CTDSPL2: variants seen among roughly 807,000 people sequenced by gnomAD.
CTDSPL2 encodes CTD small phosphatase-like protein 2.
In CTDSPL2, 5 loss-of-function variants were observed where a neutral mutation model predicts 60.0. The ratio of observed to expected loss-of-function variants is 0.08; its 90% confidence interval spans 0.04 to 0.18. The LOEUF (loss-of-function observed/expected upper bound fraction) is 0.18. Ranked by LOEUF, CTDSPL2 falls within the 10% of genes least tolerant of loss-of-function variation. The probability of loss-of-function intolerance (pLI) is 1.00; values close to 1 mark genes in which losing one functional copy is unlikely to be tolerated. For synonymous variants in CTDSPL2, 186 were observed against 189.3 expected, an observed-to-expected ratio of 0.98 and a Z score of 0.14; for missense variants, 370 against 548.8, an observed-to-expected ratio of 0.67 and a Z score of 3.26.
At chr15:44,433,171 T>A (rs936435896) in intron 1 of CTDSPL2, among the ~76,000 whole-genome samples, 1 of 150,908 alleles carries the variant, frequency 6.6e-6, no homozygotes, top group African/African-American at 2.4e-5. Flanking sequence ...AAAAATTAGC[T>A]GGGCATGGTG....
intron 1 of CTDSPL2, among the ~76,000 whole-genome samples, chr15:44,440,544 A>G (rs2080064146): frequency 6.6e-6 from 1 of 152,148 alleles, no homozygotes; most frequent in African/African-American, 2.4e-5. Flanking sequence ...TAGGATCTAT[A>G]GTGATGTTCA....
At chr15:44,448,856 T>C in intron 1 of CTDSPL2, 2 of 396,854 alleles carry the variant, frequency 5.0e-6, no homozygotes, top group Non-Finnish European at 9.5e-6. Context: ...TTTACCTGCG[T>C]TGGTCTATCA....
chr15:44,484,549 A>G (rs952713684), intron 3 of CTDSPL2, among the ~76,000 whole-genome samples, 187 bp downstream of exon 3: 4 of 152,246 alleles, frequency 2.6e-5, no homozygotes, highest in Admixed American at 6.5e-5. Flanking sequence ...AGCCTGGCCA[A>G]CGTGGCAAAA....
intron 10 of CTDSPL2, 130 bp from the exon 11 acceptor site, chr15:44,519,039 T>C (rs902978610): frequency 7.8e-6 from 4 of 512,274 alleles, no homozygotes; most frequent in Admixed American, 8.9e-5. Flanking sequence ...CCCATATTTG[T>C]GTTTGAATTT....
chr15:44,525,848 A>G lies in CTDSPL2; in HGVS notation c.*1674A>G, dbSNP rs1026512086. ...TCATCAGGTTGAGTGTTTTCTTACT[A>G]TATTATCTGTTGTGTATGTAGTTAG... On this transcript the variant is annotated 3_prime_UTR_variant, in exon 13 of 13. Transcript: ENST00000260327. 4.2e-5 allele frequency: 7 copies of G among 168,302 alleles called. No individual in the cohort carries two copies. Among genetic ancestry groups the G allele is most frequent in the African/African-American group, 1.7e-4 (7 of 42,146 alleles). The allele number at this position is 168,302 out of a possible 1,614,324, so 10.4% of individuals were successfully genotyped here. A position where few individuals can be genotyped will look rare whatever the true frequency, so the allele number is the denominator to read the frequency against.
chr15:44,436,561 T>C (rs1055483828), intron 1 of CTDSPL2, among the ~76,000 whole-genome samples: 5 of 152,198 alleles, frequency 3.3e-5, no homozygotes, highest in African/African-American at 1.2e-4. Context: ...GCTAGAATGA[T>C]TGCATGACTT....
rs1029980082 is a variant in CTDSPL2, at chr15:44,525,289, C to G, written c.*1115C>G. The G allele has an allele frequency of 2.5e-6, 1 of 397,688 alleles. No individual in the cohort carries two copies. The highest frequency in any genetic ancestry group is 4.4e-6 in the Non-Finnish European group (1 of 225,332). 24.6% of individuals were successfully genotyped at this position (397,688 alleles called of 1,614,324 possible). A position where few individuals can be genotyped will look rare whatever the true frequency, so the allele number is the denominator to read the frequency against. On this transcript the variant is annotated 3_prime_UTR_variant, in exon 13 of 13. Coordinates refer to ENST00000260327, the MANE Select transcript of CTDSPL2 (RefSeq NM_016396.3). The stretch of plus-strand genomic sequence containing the variant: ...GCATAATCCTGTGGCACAGTACACT[C>G]CCAAGCCACCAATGCAGTTAATATG...
At chr15:44,483,311 GA>G (rs969155611) in intron 2 of CTDSPL2, among the ~76,000 whole-genome samples, 7 of 150,790 alleles carry the variant, frequency 4.6e-5, no homozygotes, top group African/African-American at 1.7e-4. Context: ...CATGACTCTA[GA>G]AAAAATTTAC....
chr15:44,459,384 G>C (rs571347522), intron 2 of CTDSPL2, among the ~76,000 whole-genome samples, 184 bp downstream of exon 2: 3 of 152,016 alleles, frequency 2.0e-5, no homozygotes, highest in Non-Finnish European at 4.4e-5. Context: ...AAAATTAGCC[G>C]GGCGAGGTGG....
intron 8 of CTDSPL2, among the ~76,000 whole-genome samples, chr15:44,503,224 T>C (rs543703433): frequency 6.6e-6 from 1 of 152,330 alleles, no homozygotes; most frequent in South Asian, 2.1e-4. Flanking sequence ...AAATTGGTTT[T>C]TTTTTTACAT....
At chr15:44,444,233 T>C (rs1156603574) in intron 1 of CTDSPL2, among the ~76,000 whole-genome samples, 1 of 151,778 alleles carries the variant, frequency 6.6e-6, no homozygotes, top group Non-Finnish European at 1.5e-5. Flanking sequence ...GTTTTTCTTT[T>C]TGTTATGTGT....
intron 2 of CTDSPL2, among the ~76,000 whole-genome samples, chr15:44,482,747 CAG>C (rs2081050746): frequency 1.3e-5 from 2 of 152,080 alleles, no homozygotes; most frequent in South Asian, 2.1e-4. Flanking sequence ...AGAAATAATG[CAG>C]CAATATCCAA....
intron 1 of CTDSPL2, among the ~76,000 whole-genome samples, chr15:44,458,382 A>G (rs2080493115): frequency 6.6e-6 from 1 of 151,966 alleles, no homozygotes; most frequent in Non-Finnish European, 1.5e-5. Context: ...ATAGCCTCAT[A>G]TTTTCTTTCT....
Position 44,503,575 on chromosome 15 carries a change from C to G in CTDSPL2, c.969+3762C>G, listed in dbSNP as rs189915714. ...GAACCACCTCCTCAATGACCTTCCT[C>G]TGTCTCCATCAAGAACTGGAGCTCA... On this transcript the variant is annotated intron_variant, in intron 8 of 12. Transcript: ENST00000260327. 5.9e-5 allele frequency: 9 copies of G among 152,376 alleles called. No homozygotes were observed. In the East Asian group the frequency reaches 1.7e-3, roughly 29 times the overall value. 9.4% of individuals were successfully genotyped at this position (152,376 alleles called of 1,614,324 possible). A position where few individuals can be genotyped will look rare whatever the true frequency, so the allele number is the denominator to read the frequency against.
At chr15:44,487,075 A>T (rs912691828) in intron 4 of CTDSPL2, among the ~76,000 whole-genome samples, 1 of 152,172 alleles carries the variant, frequency 6.6e-6, no homozygotes, top group Non-Finnish European at 1.5e-5. Flanking sequence ...GCAAAAAAAT[A>T]CATAGTTTTT....
rs181199594 is a variant in CTDSPL2, at chr15:44,484,429, T to C, written c.325+67T>C. ...GAGATCTCACCTGACACATTTCTTA[T>C]CTATTTTTAAAACTCTACTTTGAGG... On this transcript the variant is annotated intron_variant, in intron 3 of 12. Transcript: ENST00000260327. 93 of 1,469,460 alleles carry C rather than the reference T, an allele frequency of 6.3e-5. 1 individual carries two copies. The highest frequency in any genetic ancestry group is 1.8e-4 in the Middle Eastern group (1 of 5,492). 91.0% of individuals were successfully genotyped at this position (1,469,460 alleles called of 1,614,324 possible). A position where few individuals can be genotyped will look rare whatever the true frequency, so the allele number is the denominator to read the frequency against.
At chr15:44,459,799 G>C (rs533334761) in intron 2 of CTDSPL2, among the ~76,000 whole-genome samples, 77 of 152,242 alleles carry the variant, frequency 5.1e-4, no homozygotes, top group African/African-American at 1.8e-3. Flanking sequence ...CAAAGAAAAA[G>C]TTTCTTGTTA....
intron 2 of CTDSPL2, among the ~76,000 whole-genome samples, chr15:44,480,074 C>G (rs1385293088): frequency 6.6e-6 from 1 of 152,110 alleles, no homozygotes; most frequent in Non-Finnish European, 1.5e-5. Flanking sequence ...TGATTCCACT[C>G]CCAATACTTC....
In CTDSPL2 at chr15:44,525,522, A is replaced by C; in HGVS notation, c.*1348A>C. ...ACAGGCTCAGACTGTTTTTGTGTAA[A>C]GGATGTCAAAGAACGGCACTTTTTC... is the stretch of plus-strand genomic sequence containing the variant. On this transcript the variant is annotated 3_prime_UTR_variant, in exon 13 of 13. Coordinates refer to ENST00000260327, the MANE Select transcript of CTDSPL2 (RefSeq NM_016396.3). 1 of 398,860 alleles carries C rather than the reference A, an allele frequency of 2.5e-6. No individual in the cohort carries two copies. 24.7% of individuals were successfully genotyped at this position (398,860 alleles called of 1,614,324 possible).
Sources: allele counts gnomAD v4.1 joint callset (sites outside exome capture counted in the v4.1 genomes callset), GRCh38; gene constraint gnomAD v4.1.1; transcripts MANE v1.5; gene names NCBI Gene and HGNC (gene_info 2026-07-23, HGNC 2026-07-21).